Variants in AGAP1 observed in about 807,000 individuals in gnomAD.
AGAP1 encodes arf-GAP with GTPase, ANK repeat and PH domain-containing protein 1.
A neutral mutation model predicts 105.3 loss-of-function variants in AGAP1; 29 were observed. The ratio of observed to expected loss-of-function variants is 0.28; its 90% confidence interval spans 0.21 to 0.38. The LOEUF (loss-of-function observed/expected upper bound fraction) is 0.38. AGAP1 is among the 10% of genes least tolerant of loss of function. The probability of loss-of-function intolerance (pLI) is 1.00; values close to 1 mark genes in which losing one functional copy is unlikely to be tolerated. For missense variants in AGAP1, 998 were observed against 1,165.1 expected (o/e 0.86, Z 2.09); for synonymous variants, 509 against 485.9 (o/e 1.05, Z -0.63).
In AGAP1 at chr2:235,888,545, A is replaced by G. The variant is rs2050375112; in HGVS notation, c.1155+5096A>G. On this transcript the variant is annotated intron_variant, in intron 10 of 17. Coordinates refer to ENST00000304032, the MANE Select transcript of AGAP1 (RefSeq NM_001037131.3). The surrounding 1 kb of genome is among the most constrained non-coding windows in gnomAD (Gnocchi z 4.8). Reference sequence around the variant, plus strand: ...ATGGAGAGACCCCATCTCTACAACAAATAAAAAAGTGAGCCAGGTGTGGTG... The same window carrying G: ...ATGGAGAGACCCCATCTCTACAACAGATAAAAAAGTGAGCCAGGTGTGGTG... Among the ~76,000 whole-genome samples the G allele has an allele frequency of 6.6e-6, 1 of 152,050 alleles. No individual in the cohort carries two copies. Among genetic ancestry groups the G allele is most frequent in the South Asian group, 2.1e-4 (1 of 4,828 alleles).
intron 1 of AGAP1, among the ~76,000 whole-genome samples, chr2:235,648,759 C>T (rs867405755): frequency 1.2e-4 from 18 of 151,424 alleles, no homozygotes; most frequent in African/African-American, 4.1e-4. Flanking sequence ...TGGTGGCATG[C>T]GCCTGTAGCC....
intron 2 of AGAP1, among the ~76,000 whole-genome samples, chr2:235,713,646 C>G (rs184439035): frequency 2.8e-4 from 42 of 152,350 alleles, no homozygotes; most frequent in African/African-American, 9.4e-4. Flanking sequence ...ATCCTTGGGG[C>G]AGAGACCTAA....
rs539868520 is a variant in AGAP1, at chr2:235,964,844, G to T, written c.1484-3618G>T. Among the ~76,000 whole-genome samples, 5 of 152,314 alleles carry T rather than the reference G, an allele frequency of 3.3e-5. No homozygotes were observed. The East Asian group carries it at 9.7e-4, about 29-fold the overall frequency. On this transcript the variant is annotated intron_variant, in intron 12 of 17. Transcript: ENST00000304032. This position sits in a 1 kb window ranked among gnomAD's most constrained non-coding sequence, Gnocchi z 4.6. ...TCGTGGAGCTGGCCGCACAGTCTAG[G>T]CTTGGGGGTAAGGTAAGAACTGGAC...
At chr2:235,869,329 A>G (rs562014742) in intron 9 of AGAP1, among the ~76,000 whole-genome samples, 1 of 146,396 alleles carries the variant, frequency 6.8e-6, no homozygotes, top group African/African-American at 2.5e-5. Context: ...TCACGCCTGT[A>G]ATCCCAGCAC....
At chr2:236,011,600 A>G (rs1157667721) in intron 13 of AGAP1, among the ~76,000 whole-genome samples, 1 of 152,202 alleles carries the variant, frequency 6.6e-6, no homozygotes, top group Non-Finnish European at 1.5e-5. Flanking sequence ...TTTGTTTAAT[A>G]ACAGGTGAAA....
At chr2:235,841,470 A>G (rs138674182) in intron 9 of AGAP1, among the ~76,000 whole-genome samples, 13 of 152,230 alleles carry the variant, frequency 8.5e-5, no homozygotes, top group East Asian at 1.9e-4. Context: ...CTGTACAACA[A>G]ATAAACAGAT....
chr2:235,549,441 C>G lies in AGAP1; in HGVS notation c.163+54592C>G, dbSNP rs1943731816. 6.6e-6 allele frequency among the ~76,000 whole-genome samples: 1 copy of G among 152,118 alleles called. No individual in the cohort carries two copies. ...GAGAGATGCTGTTGAGGTTGGGAGG[C>G]AATGCAGGGTGTTCATCAGCCAGCA... On this transcript the variant is annotated intron_variant, in intron 1 of 17. Coordinates refer to ENST00000304032, the MANE Select transcript of AGAP1 (RefSeq NM_001037131.3). This position sits in a 1 kb window ranked among gnomAD's most constrained non-coding sequence, Gnocchi z 4.2.
At chr2:235,619,383 G>A (rs1452249532) in intron 1 of AGAP1, among the ~76,000 whole-genome samples, 1 of 151,916 alleles carries the variant, frequency 6.6e-6, no homozygotes, top group African/African-American at 2.4e-5. Context: ...TGGGGCTGAA[G>A]TGGGGGAGCT....
At chr2:236,077,710 G>C (rs541607481) in intron 16 of AGAP1, among the ~76,000 whole-genome samples, 2 of 152,304 alleles carry the variant, frequency 1.3e-5, no homozygotes, top group South Asian at 4.1e-4. Flanking sequence ...CTTGGACATG[G>C]GTTTGCAATG....
Position 235,962,848 on chromosome 2 carries a change from T to G in AGAP1, c.1484-5614T>G, listed in dbSNP as rs2054247569. Among the ~76,000 whole-genome samples, 1 of 152,162 alleles carries G rather than the reference T, an allele frequency of 6.6e-6. No homozygotes were observed. The highest frequency in any genetic ancestry group is 2.4e-5 in the African/African-American group (1 of 41,422). On this transcript the variant is annotated intron_variant, in intron 12 of 17. Transcript: ENST00000304032. This position sits in a 1 kb window ranked among gnomAD's most constrained non-coding sequence, Gnocchi z 5.3. Reference sequence around the variant, plus strand: ...TGTCCTGTGCATTGTAGGGCATTTTTCAGCACCTCTGGCTTCTACCATCTG... The same window carrying G: ...TGTCCTGTGCATTGTAGGGCATTTTGCAGCACCTCTGGCTTCTACCATCTG...
intron 1 of AGAP1, among the ~76,000 whole-genome samples, chr2:235,506,495 G>T (rs1299688371): frequency 6.6e-6 from 1 of 151,880 alleles, no homozygotes; most frequent in Non-Finnish European, 1.5e-5. Flanking sequence ...CTCCACCCTG[G>T]GTGCCAGAGT....
intron 13 of AGAP1, among the ~76,000 whole-genome samples, chr2:235,978,257 G>T (rs984693798): frequency 6.6e-5 from 10 of 152,110 alleles, no homozygotes; most frequent in African/African-American, 2.4e-4. Flanking sequence ...TCTATTCCTG[G>T]CTGTGGGATT....
At chr2:235,929,434 C>G (rs1310019880) in intron 11 of AGAP1, among the ~76,000 whole-genome samples, 2 of 152,154 alleles carry the variant, frequency 1.3e-5, no homozygotes, top group African/African-American at 4.8e-5. Context: ...GCAGACCTGC[C>G]TATGAATAAT....
chr2:235,607,681 G>C (rs1406437048), intron 1 of AGAP1, among the ~76,000 whole-genome samples: 1 of 152,200 alleles, frequency 6.6e-6, no homozygotes, highest in Non-Finnish European at 1.5e-5. Context: ...CCTCCACCAA[G>C]GTCTCTGGAT....
At chr2:235,717,087 G>A (rs1951149944) in intron 2 of AGAP1, among the ~76,000 whole-genome samples, 1 of 151,944 alleles carries the variant, frequency 6.6e-6, no homozygotes, top group Non-Finnish European at 1.5e-5. Context: ...TTCTGCTCCT[G>A]TTGTCCTGCC....
chr2:235,998,382 A>G (rs1421555654), intron 13 of AGAP1, among the ~76,000 whole-genome samples: 4 of 152,216 alleles, frequency 2.6e-5, no homozygotes, highest in Admixed American at 1.3e-4. Flanking sequence ...CTCCAGGAAC[A>G]GGAGTGAGAA....
At chr2:235,730,181 G>A (rs1195735735) in intron 3 of AGAP1, among the ~76,000 whole-genome samples, 4 of 152,048 alleles carry the variant, frequency 2.6e-5, no homozygotes, top group South Asian at 2.1e-4. Flanking sequence ...ATGTAAAGCC[G>A]ATTATTATTT....
intron 9 of AGAP1, 35 bp downstream of exon 9, chr2:235,807,366 C>T (rs537595480): frequency 1.2e-5 from 19 of 1,548,552 alleles, no homozygotes; most frequent in South Asian, 4.9e-5. Context: ...TCCCTGTCGC[C>T]GGAGATACAC....
chr2:235,779,113 T>C (rs773754869), intron 6 of AGAP1, among the ~76,000 whole-genome samples: 5 of 152,206 alleles, frequency 3.3e-5, no homozygotes, highest in Non-Finnish European at 5.9e-5. Flanking sequence ...TCCCCACCCC[T>C]GTTAGGCAAC....
Sources: allele counts gnomAD v4.1 joint callset (sites outside exome capture counted in the v4.1 genomes callset), GRCh38; gene constraint gnomAD v4.1.1; non-coding constraint Gnocchi (gnomAD v3.1); transcripts MANE v1.5; gene names NCBI Gene and HGNC (gene_info 2026-07-23, HGNC 2026-07-21).